Variants in CLEC3B observed in about 807,000 individuals in gnomAD.
CLEC3B encodes C-type lectin domain family 3 member B, also known as tetranectin.
Under a neutral mutation model 15.4 loss-of-function variants are expected in CLEC3B, and 13 were observed. That is an observed-to-expected ratio of 0.84 (90% confidence interval 0.55 to 1.34). The LOEUF (loss-of-function observed/expected upper bound fraction) is 1.34. Ranked by LOEUF, CLEC3B falls within the 40% of genes most tolerant of loss-of-function variation. CLEC3B has a pLI of 0.00. For missense variants in CLEC3B, 242 were observed against 268.6 expected (o/e 0.90, Z 0.69); for synonymous variants, 112 against 114.7 (o/e 0.98, Z 0.15).
chr3:45,029,136 C>G (rs1395262833), intron 1 of CLEC3B, among the ~76,000 whole-genome samples: 1 of 131,796 alleles, frequency 7.6e-6, no homozygotes, highest in African/African-American at 3.1e-5. Context: ...ACACCTACTC[C>G]CACAGCTTCC....
At chr3:45,031,475 C>T (rs1486535725) in intron 2 of CLEC3B, among the ~76,000 whole-genome samples, 1 of 152,250 alleles carries the variant, frequency 6.6e-6, no homozygotes. Flanking sequence ...GTGTCAGCAG[C>T]AACTGAGGCA....
chr3:45,029,230 A>C (rs1056431506), intron 1 of CLEC3B, among the ~76,000 whole-genome samples: 1 of 152,264 alleles, frequency 6.6e-6, no homozygotes, highest in Non-Finnish European at 1.5e-5. Flanking sequence ...CTTGGTGCAA[A>C]TTACAAAAGG....
At chr3:45,028,533 G>T (rs1697514543) in intron 1 of CLEC3B, among the ~76,000 whole-genome samples, 1 of 152,216 alleles carries the variant, frequency 6.6e-6, no homozygotes, top group African/African-American at 2.4e-5. Flanking sequence ...TCCAGCCTGG[G>T]TGACAGAGTA....
In CLEC3B at chr3:45,035,781, A is replaced by G; in HGVS notation, c.466A>G (p.Asn156Asp). ...DMTGARIAYK[N>D]WETEITAQPD... The stretch of plus-strand genomic sequence containing the variant: ...GACCGGCGCCCGCATCGCCTACAAG[A>G]ACTGGGAGACTGAGATCACCGCGCA... The change falls in exon 3 of 3, where the codon AAC becomes GAC. Residue 156 changes from asparagine to aspartate, a missense_variant. Coordinates refer to ENST00000296130, the MANE Select transcript of CLEC3B (RefSeq NM_003278.3). 1 of 1,613,666 alleles carries G rather than the reference A, an allele frequency of 6.2e-7. No individual in the cohort carries two copies.
Position 45,035,836 on chromosome 3 carries a change from C to T in CLEC3B, c.521C>T (p.Ala174Val), listed in dbSNP as rs1441557435. Residue 174 changes from alanine (A) to valine (V), a missense_variant, in exon 3 of 3, where the codon GCG becomes GTG. Transcript: ENST00000296130. ...GATGGCGGCAAGACCGAGAACTGCG[C>T]GGTCCTGTCAGGCGCGGCCAACGGC... Reference protein sequence around the residue: ...QPDGGKTENCAVLSGAANGKW... With the variant: ...QPDGGKTENCVVLSGAANGKW... The T allele has an allele frequency of 6.2e-7, 1 of 1,613,138 alleles. No individual in the cohort carries two copies. Among genetic ancestry groups the T allele is most frequent in the Non-Finnish European group, 8.5e-7 (1 of 1,179,954 alleles).
chr3:45,034,904 A>T (rs1462800490), intron 2 of CLEC3B, among the ~76,000 whole-genome samples: 1 of 152,124 alleles, frequency 6.6e-6, no homozygotes, highest in Non-Finnish European at 1.5e-5. Context: ...CTGTTTGGGT[A>T]GGGATTTGGG....
chr3:45,030,148 G>A lies in CLEC3B; in HGVS notation c.110-679G>A, dbSNP rs115503162. On this transcript the variant is annotated intron_variant, in intron 1 of 2. Coordinates refer to ENST00000296130, the MANE Select transcript of CLEC3B (RefSeq NM_003278.3). ...TGTAGAACGGCTTAGCCCAGAGCCT[G>A]GCCTCCTCTGTAAGAGTGGAAAACC... 1.8e-3 allele frequency: 1,727 copies of A among 985,582 alleles called. 21 individuals carry two copies. In the African/African-American group the frequency reaches 0.028, roughly 16 times the overall value. The allele number at this position is 985,582 out of a possible 1,614,324, so 61.1% of individuals were successfully genotyped here.
At chr3:45,027,285 G>A (rs923868850) in intron 1 of CLEC3B, among the ~76,000 whole-genome samples, 1 of 152,208 alleles carries the variant, frequency 6.6e-6, no homozygotes, top group Non-Finnish European at 1.5e-5. Context: ...GCACAGAAAA[G>A]GAAAGAAGGG....
intron 2 of CLEC3B, among the ~76,000 whole-genome samples, chr3:45,033,501 A>G (rs970099133): frequency 6.6e-5 from 10 of 152,120 alleles, no homozygotes; most frequent in African/African-American, 2.4e-4. Flanking sequence ...CAGCATACAC[A>G]TGGGAGGTTC....
chr3:45,034,113 A>G (rs888468081), intron 2 of CLEC3B, among the ~76,000 whole-genome samples: 1 of 152,134 alleles, frequency 6.6e-6, no homozygotes, highest in Non-Finnish European at 1.5e-5. Flanking sequence ...CTGCTGAGGC[A>G]GTCCCTGCAG....
chr3:45,026,332 A>C lies in CLEC3B; in HGVS notation c.-31A>C. ...CTGCGTTCGGACCCAGACCCGCTGC[A>C]GGCAGCAGCAGCCCCCGCCCGCGCA... On this transcript the variant is annotated 5_prime_UTR_variant, in exon 1 of 3. Transcript: ENST00000296130. 1 of 1,575,724 alleles carries C rather than the reference A, an allele frequency of 6.3e-7. No individual in the cohort carries two copies. Among genetic ancestry groups the C allele is most frequent in the Non-Finnish European group, 8.7e-7 (1 of 1,147,722 alleles).
chr3:45,033,727 A>G (rs1455807713), intron 2 of CLEC3B, among the ~76,000 whole-genome samples: 1 of 152,192 alleles, frequency 6.6e-6, no homozygotes, highest in Non-Finnish European at 1.5e-5. Flanking sequence ...AATAGACCAG[A>G]GCAACAAAAT....
intron 2 of CLEC3B, among the ~76,000 whole-genome samples, chr3:45,035,108 G>A (rs369367447): frequency 2.6e-5 from 4 of 152,204 alleles, no homozygotes; most frequent in Non-Finnish European, 5.9e-5. Context: ...ATGTGGGGGC[G>A]GGGGGAAGAG....
intron 1 of CLEC3B, among the ~76,000 whole-genome samples, chr3:45,028,396 A>T (rs1697512801): frequency 6.6e-6 from 1 of 152,104 alleles, no homozygotes. Context: ...TCTCTACTAA[A>T]AATACAAAAA....
intron 1 of CLEC3B, among the ~76,000 whole-genome samples, chr3:45,028,630 T>G (rs2125979463): frequency 6.6e-6 from 1 of 152,210 alleles, no homozygotes; most frequent in African/African-American, 2.4e-5. Context: ...GAAATGCTGG[T>G]TTAGGGATCT....
intron 1 of CLEC3B, among the ~76,000 whole-genome samples, chr3:45,027,873 G>C (rs184308790): frequency 2.9e-4 from 44 of 152,296 alleles, no homozygotes; most frequent in African/African-American, 1.1e-3. Context: ...ACCATCGCCA[G>C]CTTCTCAAGT....
At chr3:45,034,223 C>T (rs77919914) in intron 2 of CLEC3B, among the ~76,000 whole-genome samples, 2,276 of 152,282 alleles carry the variant, frequency 0.015, 29 homozygotes, top group Admixed American at 0.022. Flanking sequence ...GTCAGTGTTA[C>T]CAGCAGGAAG....
chr3:45,031,311 G>A (rs1252509302), intron 2 of CLEC3B, among the ~76,000 whole-genome samples: 1 of 152,178 alleles, frequency 6.6e-6, no homozygotes, highest in Non-Finnish European at 1.5e-5. Context: ...CACTCAGCTG[G>A]CCTCTGCAGC....
At chr3:45,030,261 CTCTT>C (rs1458172085) in intron 1 of CLEC3B, 7 of 975,098 alleles carry the variant, frequency 7.2e-6, no homozygotes, top group Non-Finnish European at 8.5e-6. Flanking sequence ...CGTTTCAGTT[CTCTT>C]AGTCTTCTCC....
Sources: allele counts gnomAD v4.1 joint callset (sites outside exome capture counted in the v4.1 genomes callset), GRCh38; gene constraint gnomAD v4.1.1; transcripts MANE v1.5; gene names NCBI Gene and HGNC (gene_info 2026-07-23, HGNC 2026-07-21).